The following KCNN2 variants were observed in gnomAD, a reference collection of about 807,000 sequenced individuals.
The protein encoded by KCNN2 is small conductance calcium-activated potassium channel protein 2.
A neutral mutation model predicts 55.5 loss-of-function variants in KCNN2; 24 were observed. The ratio of observed to expected loss-of-function variants is 0.43; its 90% CI spans 0.31 to 0.61. The LOEUF is 0.61. Ranked by LOEUF, KCNN2 falls within the 20% of genes least tolerant of loss-of-function variation. KCNN2 has a pLI of 0.08. For missense variants in KCNN2, 754 were observed against 853.6 expected (o/e 0.88, Z 1.45); for synonymous variants, 431 against 336.1 (o/e 1.28, Z -3.09).
At chr5:114,433,239 A>ACAC (rs1362819587) in intron 3 of KCNN2, among the ~76,000 whole-genome samples, 2 of 152,178 alleles carry the variant, frequency 1.3e-5, no homozygotes, top group Non-Finnish European at 2.9e-5. Flanking sequence ...GTTTGTAAAT[A>ACAC]CACCAATCAG....
chr5:114,213,856 C>T (rs1050784256), intron 1 of KCNN2, among the ~76,000 whole-genome samples: 9 of 151,982 alleles, frequency 5.9e-5, no homozygotes, highest in African/African-American at 1.9e-4. Context: ...GAATTGAACC[C>T]AAGTTCAAAG....
chr5:114,083,744 A>G (rs1750952542), intron 1 of KCNN2, among the ~76,000 whole-genome samples: 1 of 152,088 alleles, frequency 6.6e-6, no homozygotes, highest in Admixed American at 6.6e-5. Context: ...GTACAGTTCT[A>G]TGGGTTTTGA....
At position 114,438,056 on chromosome 5, in the gene KCNN2, A is replaced by G. The variant is rs1490979102; in HGVS notation, c.1638-24993A>G. On this transcript the variant is annotated intron_variant, in intron 3 of 7. Transcript: ENST00000673685. ...TGTTAATATAATTCCTTTCACCTTTATCTCCTTCTCAGTCTTTCTAAAGCA... is the reference window on the plus strand; with the variant it reads ...TGTTAATATAATTCCTTTCACCTTTGTCTCCTTCTCAGTCTTTCTAAAGCA... 2.0e-5 allele frequency among the ~76,000 whole-genome samples: 3 copies of G among 152,246 alleles called. No homozygotes were observed. The East Asian group carries it at 5.8e-4, about 29-fold the overall frequency.
At chr5:114,429,323 A>G (rs1187581168) in intron 3 of KCNN2, among the ~76,000 whole-genome samples, 1 of 152,102 alleles carries the variant, frequency 6.6e-6, no homozygotes, top group Non-Finnish European at 1.5e-5. Context: ...AAAAGAATAG[A>G]AAGGATCAAT....
intron 1 of KCNN2, among the ~76,000 whole-genome samples, chr5:114,123,792 C>A (rs996755810): frequency 1.3e-5 from 2 of 152,186 alleles, no homozygotes; most frequent in African/African-American, 4.8e-5. Context: ...TTCTCTTACA[C>A]TGTATGCTCC....
chr5:114,146,684 A>G (rs1173205395), intron 1 of KCNN2, among the ~76,000 whole-genome samples: 1 of 152,108 alleles, frequency 6.6e-6, no homozygotes, highest in East Asian at 1.9e-4. Flanking sequence ...CTCAACACTG[A>G]TATTGAGAAC....
chr5:114,104,264 T>A (rs2112573542), intron 1 of KCNN2, among the ~76,000 whole-genome samples: 1 of 152,262 alleles, frequency 6.6e-6, no homozygotes, highest in East Asian at 1.9e-4. Flanking sequence ...TTGGGATCAG[T>A]GGTGATATCC....
chr5:114,247,202 CAAAAAAA>C (rs370172975), intron 2 of KCNN2, among the ~76,000 whole-genome samples: 1 of 68,096 alleles, frequency 1.5e-5, no homozygotes, highest in Non-Finnish European at 2.7e-5. Context: ...CATATGTCTC[CAAAAAAA>C]AAAAAAAAAA....
At chr5:114,390,645 T>C (rs140545036) in intron 2 of KCNN2, among the ~76,000 whole-genome samples, 10 of 152,128 alleles carry the variant, frequency 6.6e-5, no homozygotes, top group African/African-American at 1.9e-4. Context: ...AGCTCATCAA[T>C]TGTGGCATGT....
intron 1 of KCNN2, among the ~76,000 whole-genome samples, chr5:114,156,839 G>A (rs1308881363): frequency 6.6e-6 from 1 of 151,964 alleles, no homozygotes; most frequent in Non-Finnish European, 1.5e-5. Context: ...CAATGATGCA[G>A]TCCATGTTAG....
intron 2 of KCNN2, among the ~76,000 whole-genome samples, chr5:114,379,957 ATAAG>A (rs2150056407): frequency 6.7e-6 from 1 of 150,232 alleles, no homozygotes; most frequent in African/African-American, 2.4e-5. Flanking sequence ...GTAAAAATAT[ATAAG>A]TATAGAAAAT....
upstream of KCNN2, among the ~76,000 whole-genome samples, chr5:114,360,221 C>A (rs995729086): frequency 1.3e-5 from 2 of 152,036 alleles, no homozygotes; most frequent in African/African-American, 4.8e-5. Flanking sequence ...TTTATTTGCA[C>A]ACACAAAAAA....
chr5:114,210,010 G>T (rs748914488), intron 1 of KCNN2, among the ~76,000 whole-genome samples: 1 of 152,088 alleles, frequency 6.6e-6, no homozygotes, highest in Non-Finnish European at 1.5e-5. Flanking sequence ...TCATGTGCGT[G>T]TTCCTAGCTG....
intron 2 of KCNN2, among the ~76,000 whole-genome samples, chr5:114,249,810 T>C (rs1754823380): frequency 6.6e-6 from 1 of 151,946 alleles, no homozygotes; most frequent in Non-Finnish European, 1.5e-5. Context: ...TATGCAAGGC[T>C]GATTTCTTGC....
chr5:114,379,883 CA>C (rs1322877588), intron 2 of KCNN2, among the ~76,000 whole-genome samples: 114 of 145,750 alleles, frequency 7.8e-4, no homozygotes, highest in African/African-American at 2.8e-3. Context: ...AAATATATAG[CA>C]TAATTATATT....
chr5:114,441,787 T>C (rs1394169913), intron 3 of KCNN2, among the ~76,000 whole-genome samples: 1 of 152,118 alleles, frequency 6.6e-6, no homozygotes, highest in Admixed American at 6.6e-5. Context: ...CTAATATATG[T>C]CTCTAAAACA....
At chr5:114,366,001 A>G (rs1561589169) in intron 2 of KCNN2, among the ~76,000 whole-genome samples, 1 of 152,192 alleles carries the variant, frequency 6.6e-6, no homozygotes, top group African/African-American at 2.4e-5. Flanking sequence ...TTATTGGGAG[A>G]TTTTTTGAAG....
intron 1 of KCNN2, among the ~76,000 whole-genome samples, chr5:114,061,534 T>G (rs1417209136): frequency 6.6e-6 from 1 of 152,104 alleles, no homozygotes; most frequent in African/African-American, 2.4e-5. Flanking sequence ...TGATTTGTCC[T>G]TCCAGCCCTT....
intron 2 of KCNN2, among the ~76,000 whole-genome samples, chr5:114,269,001 T>G (rs1755265708): frequency 6.6e-6 from 1 of 151,916 alleles, no homozygotes; most frequent in South Asian, 2.1e-4. Context: ...CTCCAATTGA[T>G]AAGGCTTTCT....
Sources: gnomAD v4.1 joint callset for allele counts (sites outside exome capture counted in the v4.1 genomes callset) on GRCh38, gnomAD v4.1.1 for gene constraint, MANE v1.5 for transcripts, NCBI Gene and HGNC (gene_info 2026-07-23, HGNC 2026-07-21) for gene names.